Variants in HS3ST5 observed in about 807,000 individuals in gnomAD.
The protein encoded by HS3ST5 is heparan sulfate-glucosamine 3-sulfotransferase 5.
A neutral mutation model predicts 25.4 loss-of-function variants in HS3ST5; 10 were observed. The observed-to-expected ratio is 0.39, with a 90% CI of 0.24 to 0.67. The LOEUF is 0.67. HS3ST5 is among the 30% of genes least tolerant of loss of function. HS3ST5 has a pLI of 0.44. For synonymous variants in HS3ST5, 170 were observed against 162.4 expected (o/e 1.05, Z -0.36); for missense variants, 324 against 420.7 (o/e 0.77, Z 2.01).
At chr6:114,285,503 A>G (rs578199795) in intron 1 of HS3ST5, among the ~76,000 whole-genome samples, 24 of 152,090 alleles carry the variant, frequency 1.6e-4, no homozygotes, top group Non-Finnish European at 3.1e-4. Context: ...TTAAAAATGA[A>G]GAAAATTTCT....
chr6:114,127,853 T>TAGAG lies in HS3ST5; in HGVS notation c.-33+40497_-33+40498insCTCT, dbSNP rs1471230893. 6.6e-4 allele frequency among the ~76,000 whole-genome samples: 97 copies of TAGAG among 147,954 alleles called. 1 individual carries two copies. Among genetic ancestry groups the TAGAG allele is most frequent in the East Asian group, 1.4e-3 (7 of 5,108 alleles). On this transcript the variant is annotated intron_variant, in intron 3 of 4. Transcript: ENST00000312719. ...CAAAAAGGACAAATATATATATATA[T>TAGAG]ATAGAGAGAGAGAGAGAGAGACTTA...
At chr6:114,062,298 C>T (rs1773162791) in intron 4 of HS3ST5, among the ~76,000 whole-genome samples, 1 of 152,156 alleles carries the variant, frequency 6.6e-6, no homozygotes, top group Non-Finnish European at 1.5e-5. Context: ...GGATTGCAAA[C>T]TCGATGAGCT....
At chr6:114,285,103 G>A (rs1774281294) in intron 1 of HS3ST5, among the ~76,000 whole-genome samples, 1 of 152,062 alleles carries the variant, frequency 6.6e-6, no homozygotes, top group Admixed American at 6.6e-5. Context: ...GGATCTTGAA[G>A]AATATTAGCA....
At chr6:114,185,645 A>T (rs1282633675) in intron 2 of HS3ST5, among the ~76,000 whole-genome samples, 3 of 151,690 alleles carry the variant, frequency 2.0e-5, no homozygotes, top group Non-Finnish European at 4.4e-5. Flanking sequence ...TGCTCACTTC[A>T]TGTCTCTGTG....
chr6:114,198,034 G>C (rs1322051424), intron 2 of HS3ST5, among the ~76,000 whole-genome samples: 1 of 152,072 alleles, frequency 6.6e-6, no homozygotes, highest in African/African-American at 2.4e-5. Flanking sequence ...TCCAATCCAA[G>C]GAAGCCAGAA....
At chr6:114,219,212 T>A (rs1374285471) in intron 2 of HS3ST5, among the ~76,000 whole-genome samples, 1 of 152,218 alleles carries the variant, frequency 6.6e-6, no homozygotes, top group Non-Finnish European at 1.5e-5. Context: ...GTACTTCCAA[T>A]CACATTATTT....
chr6:114,248,662 T>C (rs1772499659), intron 1 of HS3ST5, among the ~76,000 whole-genome samples: 1 of 152,216 alleles, frequency 6.6e-6, no homozygotes, highest in South Asian at 2.1e-4. Context: ...TGTATTAGGC[T>C]ATAGGGATAA....
At chr6:114,277,867 T>C (rs1010201579) in intron 1 of HS3ST5, among the ~76,000 whole-genome samples, 4 of 152,140 alleles carry the variant, frequency 2.6e-5, no homozygotes, top group Middle Eastern at 3.4e-3. Flanking sequence ...GAGGTTATAG[T>C]TGTAATTACA....
chr6:114,332,933 A>G (rs1428917198), intron 1 of HS3ST5, among the ~76,000 whole-genome samples: 1 of 152,114 alleles, frequency 6.6e-6, no homozygotes, highest in African/African-American at 2.4e-5. Context: ...CAGAGGAGTG[A>G]CAGAAGTTGA....
chr6:114,160,605 A>G (rs7745515), intron 3 of HS3ST5, among the ~76,000 whole-genome samples: 9,562 of 152,146 alleles, frequency 0.063, 340 homozygotes, highest in Non-Finnish European at 0.076. Flanking sequence ...TATATTTTCT[A>G]TTTTTCAGTA....
chr6:114,129,961 G>A (rs1187275659), intron 3 of HS3ST5, among the ~76,000 whole-genome samples: 1 of 152,146 alleles, frequency 6.6e-6, no homozygotes, highest in East Asian at 1.9e-4. Context: ...AGTTTCAGCT[G>A]TAAACAATAT....
chr6:114,087,012 CCT>C (rs546893408), intron 3 of HS3ST5, among the ~76,000 whole-genome samples: 170 of 152,226 alleles, frequency 1.1e-3, no homozygotes, highest in South Asian at 2.1e-3. Context: ...GAAGCTGACT[CCT>C]CTCTGTCTTT....
At chr6:114,071,492 T>C (rs1230623049) in intron 3 of HS3ST5, among the ~76,000 whole-genome samples, 2 of 152,218 alleles carry the variant, frequency 1.3e-5, no homozygotes, top group Non-Finnish European at 2.9e-5. Context: ...TGTAATTCTC[T>C]GTTTATTTGT....
At chr6:114,193,439 G>C (rs966439575) in intron 2 of HS3ST5, among the ~76,000 whole-genome samples, 1 of 152,148 alleles carries the variant, frequency 6.6e-6, no homozygotes, top group Admixed American at 6.5e-5. Context: ...CACAGAGTTT[G>C]GTGTGTTTGG....
At chr6:114,201,343 C>T (rs11962421) in intron 2 of HS3ST5, among the ~76,000 whole-genome samples, 1,761 of 152,286 alleles carry the variant, frequency 0.012, 15 homozygotes, top group Middle Eastern at 0.021. Flanking sequence ...CTGGCCACTC[C>T]TCATCTCGTC....
At chr6:114,154,792 A>T (rs1778618754) in intron 3 of HS3ST5, among the ~76,000 whole-genome samples, 1 of 152,080 alleles carries the variant, frequency 6.6e-6, no homozygotes. Flanking sequence ...CTTCACGCAG[A>T]TGTGGGCAGG....
intron 3 of HS3ST5, among the ~76,000 whole-genome samples, chr6:114,106,156 G>A (rs1374665739): frequency 6.6e-6 from 1 of 152,022 alleles, no homozygotes; most frequent in Non-Finnish European, 1.5e-5. Context: ...GAAGATAATA[G>A]GGCAAAGTTT....
At chr6:114,226,148 C>T (rs912077805) in intron 2 of HS3ST5, among the ~76,000 whole-genome samples, 1 of 151,904 alleles carries the variant, frequency 6.6e-6, no homozygotes, top group African/African-American at 2.4e-5. Flanking sequence ...ATAACATTAT[C>T]CTCCAAATGG....
intron 1 of HS3ST5, among the ~76,000 whole-genome samples, chr6:114,341,583 T>C (rs1403255500): frequency 7.4e-6 from 1 of 135,338 alleles, no homozygotes; most frequent in Non-Finnish European, 1.7e-5. Context: ...TTCGACTGCA[T>C]CCATCCCGCG....
Sources: gnomAD v4.1 joint callset for allele counts (sites outside exome capture counted in the v4.1 genomes callset) on GRCh38, gnomAD v4.1.1 for gene constraint, MANE v1.5 for transcripts, NCBI Gene and HGNC (gene_info 2026-07-23, HGNC 2026-07-21) for gene names.